Variants in MPRIP observed in about 807,000 individuals in gnomAD.
MPRIP encodes myosin phosphatase Rho interacting protein.
Under a neutral mutation model 234.9 loss-of-function variants are expected in MPRIP, and 59 were observed. That is an observed-to-expected ratio of 0.25 (90% CI 0.20 to 0.31). The LOEUF (loss-of-function observed/expected upper bound fraction) is 0.31, where lower values mean the gene tolerates loss of function less well. MPRIP is among the 10% of genes least tolerant of loss of function. The pLI is 1.00. For synonymous variants in MPRIP, 1,144 were observed against 1,263.9 expected (o/e 0.91, Z 2.01); for missense variants, 2,436 against 3,071.0 (o/e 0.79, Z 4.89).
At position 17,158,567 on chromosome 17, in the gene MPRIP, G is replaced by A. The variant is rs776272476; in HGVS notation, c.1965G>A (p.Glu655=). The A allele has an allele frequency of 3.2e-5, 52 of 1,610,964 alleles. No homozygotes were observed. In the African/African-American group the frequency reaches 6.4e-4, roughly 20 times the overall value. The change falls in exon 14 of 24, where the codon GAG becomes GAA. Residue 655 remains glutamate, a synonymous_variant. Transcript: ENST00000651222. The part of the protein sequence containing the change: ...KRSRARERRR[E]GRSKTFDWAE... ...GCCGCGCACGGGAGCGGAGGCGAGA[G>A]GGCCGCTCCAAGACCTTTGACTGGG... is the stretch of plus-strand genomic sequence containing the variant.
chr17:17,137,512 C>CAA lies in MPRIP; in HGVS notation c.737-388_737-387dup, dbSNP rs35313745. On this transcript the variant is annotated intron_variant, in intron 6 of 23. Transcript: ENST00000651222. Reference sequence around the variant, plus strand: ...CTGGCGACAGAGCGAGATTGCATCTCAAAAAAAAAAAAAAAAATACTGAAG... The same window carrying CAA: ...CTGGCGACAGAGCGAGATTGCATCTCAAAAAAAAAAAAAAAAAAATACTGAAG... Among the ~76,000 whole-genome samples the CAA allele has an allele frequency of 3.2e-3, 408 of 126,404 alleles. 20 individuals carry two copies. The highest frequency in any genetic ancestry group is 5.5e-3 in the East Asian group (24 of 4,372). 82.9% of individuals were successfully genotyped at this position (126,404 alleles called of 152,430 possible). A position where few individuals can be genotyped will look rare whatever the true frequency, so the allele number is the denominator to read the frequency against.
At position 17,138,945 on chromosome 17, in the gene MPRIP, C is replaced by T. The variant is rs1210976962; in HGVS notation, c.1250+516C>T. ...CTCAAGGACATGCTCCCTGGGGAGC[C>T]ACAGCCCCAGGAAACCTGAGGCAAC... is the stretch of plus-strand genomic sequence containing the variant. On this transcript the variant is annotated intron_variant, in intron 7 of 23. Coordinates refer to ENST00000651222, the MANE Select transcript of MPRIP (RefSeq NM_001364716.4). This position sits in a 1 kb window ranked among gnomAD's most constrained non-coding sequence, Gnocchi z 5.8. Among the ~76,000 whole-genome samples the T allele has an allele frequency of 6.6e-6, 1 of 152,232 alleles. No individual in the cohort carries two copies. Among genetic ancestry groups the T allele is most frequent in the African/African-American group, 2.4e-5 (1 of 41,462 alleles).
rs61741721 is a variant in MPRIP, at chr17:17,166,880, G to A, written c.5289G>A (p.Glu1763=). ...GCCGAGACTCAGACAGCTCTCAGGA[G>A]CCCTTCGATGTGTCTGACCAGAGCC... The part of the protein sequence containing the change: ...VLGRDSDSSQ[E]PFDVSDQSPG... Residue 1763 remains glutamate, a synonymous_variant, in exon 16 of 24, where the codon GAG becomes GAA. Coordinates refer to ENST00000651222, the MANE Select transcript of MPRIP (RefSeq NM_001364716.4). The surrounding 1 kb of genome is among the most constrained non-coding windows in gnomAD (Gnocchi z 4.4). 3.1e-6 allele frequency: 4 copies of A among 1,304,200 alleles called. No individual in the cohort carries two copies. Among genetic ancestry groups the A allele is most frequent in the Non-Finnish European group, 4.0e-6 (4 of 988,956 alleles). 80.8% of individuals were successfully genotyped at this position (1,304,200 alleles called of 1,614,324 possible).
intron 4 of MPRIP, among the ~76,000 whole-genome samples, chr17:17,128,188 C>T (rs565756506): frequency 3.5e-4 from 53 of 152,232 alleles, no homozygotes; most frequent in African/African-American, 1.1e-3. Flanking sequence ...AGCACACAGC[C>T]GAGGCTTCCT....
At chr17:17,125,648 A>C (rs73979089) in intron 3 of MPRIP, among the ~76,000 whole-genome samples, 2,493 of 152,326 alleles carry the variant, frequency 0.016, 73 homozygotes, top group African/African-American at 0.056. Flanking sequence ...TGAGCTCAGC[A>C]TGGGCACCAG....
At chr17:17,089,811 G>C (rs1407017827) in intron 3 of MPRIP, among the ~76,000 whole-genome samples, 1 of 152,186 alleles carries the variant, frequency 6.6e-6, no homozygotes, top group Non-Finnish European at 1.5e-5. Context: ...TGTGAAGCAG[G>C]ATCAGGGAAT....
Position 17,192,503 on chromosome 17 carries a change from C to T in MPRIP, c.*7609C>T, listed in dbSNP as rs991990584. On this transcript the variant is annotated 3_prime_UTR_variant, in exon 24 of 24. Transcript: ENST00000651222. Reference sequence around the variant, plus strand: ...TTAGTTTGTGATCAACGATTCACTACAATTGAAGTGTTACTTTGTCAGAAT... The same window carrying T: ...TTAGTTTGTGATCAACGATTCACTATAATTGAAGTGTTACTTTGTCAGAAT... The T allele has an allele frequency of 4.3e-5, 6 of 139,770 alleles. No individual in the cohort carries two copies. The highest frequency in any genetic ancestry group is 6.0e-5 in the Non-Finnish European group (4 of 66,200). 8.7% of individuals were successfully genotyped at this position (139,770 alleles called of 1,614,324 possible). A position where few individuals can be genotyped will look rare whatever the true frequency, so the allele number is the denominator to read the frequency against.
At position 17,189,995 on chromosome 17, in the gene MPRIP, G is replaced by T. The variant is rs3744126; in HGVS notation, c.*5101G>T. 6.6e-6 allele frequency: 1 copy of T among 152,144 alleles called. No homozygotes were observed. Among genetic ancestry groups the T allele is most frequent in the African/African-American group, 2.4e-5 (1 of 41,416 alleles). 9.4% of individuals were successfully genotyped at this position (152,144 alleles called of 1,614,324 possible). ...ATTAAGGTATCTACCCACTGTTTTC[G>T]CACCTTTCACCTTCCTGGGCTTTCC... On this transcript the variant is annotated 3_prime_UTR_variant, in exon 24 of 24. Coordinates refer to ENST00000651222, the MANE Select transcript of MPRIP (RefSeq NM_001364716.4).
intron 20 of MPRIP, 110 bp from the exon 21 acceptor site, chr17:17,176,316 G>C (rs2046252175): frequency 1.2e-6 from 1 of 800,570 alleles, no homozygotes; most frequent in Non-Finnish European, 2.2e-6. Context: ...CCACGAGGCT[G>C]CCCTGCTCAC....
chr17:17,150,335 CA>C (rs2045573664), intron 12 of MPRIP, 102 bp downstream of exon 12: 1 of 817,162 alleles, frequency 1.2e-6, no homozygotes, highest in Admixed American at 2.0e-5. Context: ...AGGCCTGATG[CA>C]GCGTGTATGG....
intron 3 of MPRIP, among the ~76,000 whole-genome samples, chr17:17,087,919 C>T (rs76028832): frequency 9.2e-5 from 14 of 152,190 alleles, no homozygotes; most frequent in East Asian, 1.9e-4. Flanking sequence ...CTGTCCCGTG[C>T]GCTTACCTTC....
chr17:17,143,328 C>G (rs1031402757), intron 8 of MPRIP, among the ~76,000 whole-genome samples: 5 of 152,168 alleles, frequency 3.3e-5, no homozygotes, highest in African/African-American at 1.2e-4. Flanking sequence ...AGGAAAGTGA[C>G]AGTGACTGGG....
chr17:17,166,296 A>G lies in MPRIP; in HGVS notation c.4705A>G (p.Ile1569Val), dbSNP rs1434033185. 2.1e-5 allele frequency: 27 copies of G among 1,304,276 alleles called. No individual in the cohort carries two copies. The highest frequency in any genetic ancestry group is 2.7e-5 in the Non-Finnish European group (27 of 988,996). 80.8% of individuals were successfully genotyped at this position (1,304,276 alleles called of 1,614,324 possible). A position where few individuals can be genotyped will look rare whatever the true frequency, so the allele number is the denominator to read the frequency against. The change falls in exon 16 of 24, where the codon ATT (isoleucine) becomes GTT (valine). Residue 1569 changes from isoleucine to valine, a missense_variant. Ile to Val is a conservative substitution (Grantham distance 29). Transcript: ENST00000651222. This position sits in a 1 kb window ranked among gnomAD's most constrained non-coding sequence, Gnocchi z 4.4. ...GCAGGTGAGGCTTCTTTCTGACCAG[A>G]TTGCTCTGGAGGCCTCGCTGATCAG... is the stretch of plus-strand genomic sequence containing the variant. ...QEQVRLLSDQ[I>V]ALEASLISQI...
chr17:17,066,509 A>G (rs1354713992), intron 1 of MPRIP, among the ~76,000 whole-genome samples: 1 of 152,124 alleles, frequency 6.6e-6, no homozygotes, highest in African/African-American at 2.4e-5. Flanking sequence ...TTATAATTCT[A>G]TAAATATATT....
intron 3 of MPRIP, among the ~76,000 whole-genome samples, chr17:17,101,492 C>T (rs1439043389): frequency 6.6e-6 from 1 of 152,198 alleles, no homozygotes; most frequent in Non-Finnish European, 1.5e-5. Context: ...ATCGCTTGAA[C>T]TCGGGAGGCA....
intron 12 of MPRIP, among the ~76,000 whole-genome samples, chr17:17,152,133 C>T (rs1011603168): frequency 2.0e-5 from 3 of 152,230 alleles, no homozygotes; most frequent in Admixed American, 6.5e-5. Context: ...CAGGCATCTG[C>T]GAGAGGAGCT....
rs1431443026 is a variant in MPRIP, at chr17:17,167,085, G to A, written c.5494G>A (p.Gly1832Ser). The change falls in exon 16 of 24, where the codon GGT becomes AGT. Residue 1832 changes from glycine to serine, a missense_variant. Around this residue, in one of 4 missense-constraint regions of MPRIP, gnomAD observed 1,998 missense variants for 2,520.3 expected, o/e 0.79. Transcript: ENST00000651222. This position sits in a 1 kb window ranked among gnomAD's most constrained non-coding sequence, Gnocchi z 5.9. The stretch of plus-strand genomic sequence containing the variant: ...GTATAACACTTGTTTGGGAGGCCTC[G>A]GTCAGTATTCTTCATTGTTGGTTCA... Reference protein sequence around the residue: ...LSYNTCLGGLGQYSSLLVQDA... With the variant: ...LSYNTCLGGLSQYSSLLVQDA... The A allele has an allele frequency of 6.9e-6, 9 of 1,304,248 alleles. No homozygotes were observed. Among genetic ancestry groups the A allele is most frequent in the Admixed American group, 2.3e-5 (1 of 43,558 alleles). The allele number at this position is 1,304,248 out of a possible 1,614,324, so 80.8% of individuals were successfully genotyped here.
intron 3 of MPRIP, among the ~76,000 whole-genome samples, chr17:17,112,474 A>C (rs1485859876): frequency 6.6e-6 from 1 of 152,224 alleles, no homozygotes. Context: ...GATGCCATGG[A>C]GTTAAAGGAT....
chr17:17,169,110 C>T, intron 16 of MPRIP: 2 of 419,072 alleles, frequency 4.8e-6, no homozygotes, highest in Non-Finnish European at 9.6e-6. Context: ...CAGTCAAAAC[C>T]TTTTAAAAAC....
Sources: gnomAD v4.1 joint callset for allele counts (sites outside exome capture counted in the v4.1 genomes callset) on GRCh38, gnomAD v4.1.1 for gene constraint, gnomAD v4.1.1 regional missense constraint, Gnocchi (gnomAD v3.1) non-coding constraint, MANE v1.5 for transcripts, NCBI Gene and HGNC (gene_info 2026-07-23, HGNC 2026-07-21) for gene names.